The following SLC44A1 variants were observed in gnomAD, a reference collection of about 807,000 sequenced individuals.
SLC44A1 encodes solute carrier family 44 member 1.
SLC44A1 carries 26 observed loss-of-function variants against 79.3 expected under a neutral mutation model. The ratio of observed to expected loss-of-function variants is 0.33; its 90% CI spans 0.24 to 0.46. SLC44A1 has a LOEUF of 0.46. Among genes scored for constraint, SLC44A1 ranks in the 20% least tolerant of loss-of-function variants. The probability of loss-of-function intolerance (pLI) is 1.00; values close to 1 mark genes in which losing one functional copy is unlikely to be tolerated. For missense variants in SLC44A1, 688 were observed against 798.1 expected (o/e 0.86, Z 1.66); for synonymous variants, 263 against 286.2 (o/e 0.92, Z 0.82).
intron 13 of SLC44A1, among the ~76,000 whole-genome samples, chr9:105,377,460 A>G (rs1828325016): frequency 6.6e-6 from 1 of 152,026 alleles, no homozygotes; most frequent in African/African-American, 2.4e-5. Flanking sequence ...AATGAAAAAT[A>G]AAAAGATGAG....
intron 5 of SLC44A1, among the ~76,000 whole-genome samples, chr9:105,349,878 G>A (rs528333587): frequency 6.6e-6 from 1 of 152,238 alleles, no homozygotes; most frequent in East Asian, 1.9e-4. Context: ...GGGCAGCTCA[G>A]CTCATCCTGC....
At chr9:105,291,228 T>C (rs955114427) in intron 1 of SLC44A1, among the ~76,000 whole-genome samples, 4 of 152,306 alleles carry the variant, frequency 2.6e-5, no homozygotes, top group Middle Eastern at 3.4e-3. Context: ...TAAAAGCATA[T>C]TGGGGAATTT....
intron 15 of SLC44A1, among the ~76,000 whole-genome samples, chr9:105,419,602 C>T (rs182033300): frequency 6.6e-6 from 1 of 152,216 alleles, no homozygotes; most frequent in Admixed American, 6.5e-5. Context: ...CTACCTAGTT[C>T]AGAAGTTCTC....
intron 1 of SLC44A1, among the ~76,000 whole-genome samples, chr9:105,293,706 C>G (rs1286159025): frequency 6.6e-6 from 1 of 152,182 alleles, no homozygotes; most frequent in Non-Finnish European, 1.5e-5. Flanking sequence ...TTACCAAAAC[C>G]TCTGTGTTTT....
At chr9:105,300,238 A>T (rs1564423787) in intron 2 of SLC44A1, among the ~76,000 whole-genome samples, 1 of 152,162 alleles carries the variant, frequency 6.6e-6, no homozygotes, top group Non-Finnish European at 1.5e-5. Context: ...TCACTTCCAG[A>T]TCAATGCTGT....
Position 105,298,645 on chromosome 9 carries a change from C to T in SLC44A1, c.37-575C>T, listed in dbSNP as rs188984065. On this transcript the variant is annotated intron_variant, in intron 1 of 15. Transcript: ENST00000374720. The stretch of plus-strand genomic sequence containing the variant: ...GATTACAGATGTGAGCCACTGGGCC[C>T]GGCCTGAATAGGAATCCATTTTGAT... 1.3e-3 allele frequency among the ~76,000 whole-genome samples: 198 copies of T among 152,126 alleles called. 2 individuals are homozygous for T. The East Asian group carries it at 0.019, about 15-fold the overall frequency.
At position 105,345,040 on chromosome 9, in the gene SLC44A1, T is replaced by G. The variant is rs1827207330; in HGVS notation, c.407-3318T>G. On this transcript the variant is annotated intron_variant, in intron 4 of 15. Coordinates refer to ENST00000374720, the MANE Select transcript of SLC44A1 (RefSeq NM_080546.5). ...ATGTTGTTTATTATGTTGAGATGAG[T>G]CTGGAGTTTTAGGTAGAGACCTGCT... is the stretch of plus-strand genomic sequence containing the variant. Among the ~76,000 whole-genome samples, 5 of 152,174 alleles carry G rather than the reference T, an allele frequency of 3.3e-5. No individual in the cohort carries two copies. In the South Asian group the frequency reaches 1.0e-3, roughly 31 times the overall value.
intron 1 of SLC44A1, among the ~76,000 whole-genome samples, chr9:105,279,318 T>A (rs1039816460): frequency 1.5e-5 from 2 of 133,106 alleles, no homozygotes; most frequent in African/African-American, 5.5e-5. Flanking sequence ...AAAAGAAAAC[T>A]TTTTTTTTTT....
Position 105,324,151 on chromosome 9 carries a change from G to A in SLC44A1, c.270-11412G>A, listed in dbSNP as rs574001115. Among the ~76,000 whole-genome samples, 18 of 151,822 alleles carry A rather than the reference G, an allele frequency of 1.2e-4. No individual in the cohort carries two copies. The South Asian group carries it at 1.5e-3, about 12-fold the overall frequency. ...CGAGTAGCTGGGACTACAGGCGCCC[G>A]CCACCACGCCCGGCTAATTTTTTGT... On this transcript the variant is annotated intron_variant, in intron 3 of 15. Transcript: ENST00000374720.
intron 1 of SLC44A1, among the ~76,000 whole-genome samples, chr9:105,288,990 T>C (rs1438444665): frequency 1.3e-5 from 2 of 152,228 alleles, no homozygotes; most frequent in Non-Finnish European, 1.5e-5. Context: ...ATGGGATTAA[T>C]TTTTCTCATA....
chr9:105,417,965 T>C (rs1829194282), intron 15 of SLC44A1, among the ~76,000 whole-genome samples: 1 of 151,136 alleles, frequency 6.6e-6, no homozygotes, highest in African/African-American at 2.4e-5. Flanking sequence ...TACAGTGAAC[T>C]ATGATTGTAC....
Position 105,389,063 on chromosome 9 carries a change from C to T in SLC44A1, c.*7C>T, listed in dbSNP as rs769642334. 12 of 1,613,078 alleles carry T rather than the reference C, an allele frequency of 7.4e-6. No homozygotes were observed. The East Asian group carries it at 2.5e-4, about 33-fold the overall frequency. ...GGGAGCAAGTTCTGCTTGAACCTAG[C>T]CGACGGTTATGGAAACCCATTGACA... On this transcript the variant is annotated 3_prime_UTR_variant, in exon 16 of 16. Transcript: ENST00000374720.
intron 1 of SLC44A1, among the ~76,000 whole-genome samples, chr9:105,269,265 A>G (rs1414096624): frequency 6.6e-6 from 1 of 152,088 alleles, no homozygotes. Flanking sequence ...TGGCCTTGAT[A>G]TTATTTATCA....
intron 2 of SLC44A1, 152 bp downstream of exon 2, chr9:105,299,461 A>C: frequency 1.8e-6 from 1 of 561,496 alleles, no homozygotes. Context: ...CTACATGAAA[A>C]CTGAGCTCAA....
chr9:105,395,516 G>A lies in SLC44A1; in HGVS notation c.*6460G>A, dbSNP rs1194467655. On this transcript the variant is annotated 3_prime_UTR_variant, in exon 16 of 16. Coordinates refer to ENST00000374720, the MANE Select transcript of SLC44A1 (RefSeq NM_080546.5). ...TTACAGGCATGAGCCACCGCGCCCGGCCTAGAAGAGTTTTAATGAACCTTC... is the reference window on the plus strand; with the variant it reads ...TTACAGGCATGAGCCACCGCGCCCGACCTAGAAGAGTTTTAATGAACCTTC... The A allele has an allele frequency of 1.0e-6, 1 of 985,420 alleles. No individual in the cohort carries two copies. The highest frequency in any genetic ancestry group is 1.7e-5 in the African/African-American group (1 of 57,362). The allele number at this position is 985,420 out of a possible 1,614,324, so 61.0% of individuals were successfully genotyped here.
chr9:105,245,536 G>C (rs1829418250), intron 1 of SLC44A1, among the ~76,000 whole-genome samples: 1 of 152,148 alleles, frequency 6.6e-6, no homozygotes, highest in Non-Finnish European at 1.5e-5. Flanking sequence ...CCTTAGTGCC[G>C]TGACCCGGGC....
In SLC44A1 at chr9:105,396,219, T is replaced by A; in HGVS notation, c.*7163T>A. On this transcript the variant is annotated 3_prime_UTR_variant, in exon 16 of 16. Transcript: ENST00000374720. ...CTGAGAGCTCCATAATGAAAGAAGT[T>A]GTTATACTTTCTCAGAATATTCTGG... The A allele has an allele frequency of 1.0e-6, 1 of 985,096 alleles. No individual in the cohort carries two copies. The allele number at this position is 985,096 out of a possible 1,614,324, so 61.0% of individuals were successfully genotyped here.
Position 105,383,366 on chromosome 9 carries a change from A to G in SLC44A1, c.1869+7A>G, listed in dbSNP as rs763883035. ...TATGGATAAAGTGCTGATGGTAAGTACTTCAAATGCCGTTTCCTATTTTAG... is the reference window on the plus strand; with the variant it reads ...TATGGATAAAGTGCTGATGGTAAGTGCTTCAAATGCCGTTTCCTATTTTAG... On this transcript the variant is annotated splice_region_variant and intron_variant, in intron 14 of 15. Transcript: ENST00000374720. 1 of 1,464,664 alleles carries G rather than the reference A, an allele frequency of 6.8e-7. No individual in the cohort carries two copies. Among genetic ancestry groups the G allele is most frequent in the Non-Finnish European group, 9.6e-7 (1 of 1,044,132 alleles). 90.7% of individuals were successfully genotyped at this position (1,464,664 alleles called of 1,614,324 possible).
At chr9:105,304,003 G>A (rs1830950808) in intron 2 of SLC44A1, among the ~76,000 whole-genome samples, 1 of 152,166 alleles carries the variant, frequency 6.6e-6, no homozygotes, top group Non-Finnish European at 1.5e-5. Context: ...ATGGAGGAAA[G>A]GGAAGTGTGG....
Sources: gnomAD v4.1 joint callset for allele counts (sites outside exome capture counted in the v4.1 genomes callset) on GRCh38, gnomAD v4.1.1 for gene constraint, MANE v1.5 for transcripts, NCBI Gene and HGNC (gene_info 2026-07-23, HGNC 2026-07-21) for gene names.